PRKN: variants seen among roughly 807,000 people sequenced by gnomAD.
PRKN encodes E3 ubiquitin-protein ligase parkin.
A neutral mutation model predicts 59.5 loss-of-function variants in PRKN; 56 were observed. The ratio of observed to expected loss-of-function variants is 0.94; its 90% CI spans 0.76 to 1.18. The LOEUF (loss-of-function observed/expected upper bound fraction) is 1.18, where lower values mean the gene tolerates loss of function less well. Ranked by LOEUF, PRKN falls within the 50% of genes most tolerant of loss-of-function variation. The probability of loss-of-function intolerance (pLI) is 0.00; values close to 1 mark genes in which losing one functional copy is unlikely to be tolerated. For missense variants in PRKN, 657 were observed against 596.4 expected (o/e 1.10, Z -1.06); for synonymous variants, 250 against 222.1 (o/e 1.13, Z -1.12).
intron 3 of PRKN, among the ~76,000 whole-genome samples, chr6:162,205,832 C>T (rs1307673189): frequency 6.6e-6 from 1 of 152,042 alleles, no homozygotes; most frequent in Non-Finnish European, 1.5e-5. Flanking sequence ...GAATTACTCT[C>T]TGAGTTTTAT....
At chr6:162,129,134 C>T (rs1304864093) in intron 4 of PRKN, among the ~76,000 whole-genome samples, 1 of 152,138 alleles carries the variant, frequency 6.6e-6, no homozygotes, top group East Asian at 1.9e-4. Flanking sequence ...TACAAAAATT[C>T]TCAAGAGCAA....
intron 7 of PRKN, among the ~76,000 whole-genome samples, chr6:161,677,393 C>T (rs1324653594): frequency 6.6e-6 from 1 of 152,176 alleles, no homozygotes; most frequent in Non-Finnish European, 1.5e-5. Context: ...TGTATGATAT[C>T]ACAAATAGAA....
intron 4 of PRKN, among the ~76,000 whole-genome samples, chr6:162,065,994 A>G (rs1582981053): frequency 6.6e-6 from 1 of 152,120 alleles, no homozygotes; most frequent in East Asian, 1.9e-4. Context: ...GGTTGGTTCC[A>G]AGTCTTTGCT....
Position 161,361,390 on chromosome 6 carries a change from G to C in PRKN, c.1168-1185C>G, listed in dbSNP as rs368393710. On this transcript the variant is annotated intron_variant, in intron 10 of 11. Transcript: ENST00000366898. The surrounding 1 kb of genome is among the most constrained non-coding windows in gnomAD (Gnocchi z 5.2). Reference sequence around the variant, plus strand: ...CATTTGAGACATCCTCATATCCCCAGTTTCTGGCATAGAATCTGGTACACA... The same window carrying C: ...CATTTGAGACATCCTCATATCCCCACTTTCTGGCATAGAATCTGGTACACA... Among the ~76,000 whole-genome samples the C allele has an allele frequency of 3.2e-4, 49 of 152,312 alleles. No homozygotes were observed. The highest frequency in any genetic ancestry group is 1.1e-3 in the African/African-American group (45 of 41,562).
At chr6:161,534,373 T>G (rs1779333248) in intron 9 of PRKN, among the ~76,000 whole-genome samples, 1 of 152,202 alleles carries the variant, frequency 6.6e-6, no homozygotes, top group Admixed American at 6.5e-5. Context: ...TCATTCATGA[T>G]TGATACAACG....
intron 4 of PRKN, among the ~76,000 whole-genome samples, chr6:162,192,826 C>T (rs540019822): frequency 2.0e-5 from 3 of 152,198 alleles, no homozygotes; most frequent in East Asian, 1.9e-4. Context: ...ATGGGTCAAG[C>T]GCATGGCTGG....
rs190356723 is a variant in PRKN, at chr6:161,575,651, C to T, written c.872-6235G>A. Among the ~76,000 whole-genome samples the T allele has an allele frequency of 3.3e-5, 5 of 152,278 alleles. No individual in the cohort carries two copies. The highest frequency in any genetic ancestry group is 6.5e-5 in the Admixed American group (1 of 15,286). ...GGTTCAATGGAAAATCGTGAGCACCCAGGCTTGGGATAGAAATGGAAATGG... is the reference window on the plus strand; with the variant it reads ...GGTTCAATGGAAAATCGTGAGCACCTAGGCTTGGGATAGAAATGGAAATGG... On this transcript the variant is annotated intron_variant, in intron 7 of 11. Transcript: ENST00000366898. This position sits in a 1 kb window ranked among gnomAD's most constrained non-coding sequence, Gnocchi z 4.6.
chr6:162,253,279 A>AAATCTAATCTAATCT (rs56965676), intron 3 of PRKN, among the ~76,000 whole-genome samples: 10,790 of 149,466 alleles, frequency 0.072, 659 homozygotes, highest in African/African-American at 0.16. Flanking sequence ...AACAGGCAAC[A>AAATCTAATCTAATCT]AATCTAATCT....
rs370066812 is a variant in PRKN, at chr6:162,189,218, A to G, written c.534+11913T>C. 4.6e-5 allele frequency among the ~76,000 whole-genome samples: 7 copies of G among 151,474 alleles called. No individual in the cohort carries two copies. In the East Asian group the frequency reaches 1.0e-3, roughly 22 times the overall value. On this transcript the variant is annotated intron_variant, in intron 4 of 11. Transcript: ENST00000366898. ...TTCTATAGGAGGGAATTGAGATTAGACAACTGCAAAGTTGATTCCTATTCT... is the reference window on the plus strand; with the variant it reads ...TTCTATAGGAGGGAATTGAGATTAGGCAACTGCAAAGTTGATTCCTATTCT...
chr6:162,250,941 T>G (rs1018878414), intron 3 of PRKN, among the ~76,000 whole-genome samples: 1 of 152,174 alleles, frequency 6.6e-6, no homozygotes, highest in African/African-American at 2.4e-5. Context: ...CTTCAATAAC[T>G]TTTTTGTCTT....
chr6:161,439,199 G>C (rs1245857878), intron 9 of PRKN, among the ~76,000 whole-genome samples: 3 of 152,152 alleles, frequency 2.0e-5, no homozygotes, highest in Non-Finnish European at 4.4e-5. Flanking sequence ...GACGCCAACG[G>C]GCTTCTCAGA....
At chr6:161,987,158 A>T (rs949164208) in intron 5 of PRKN, among the ~76,000 whole-genome samples, 2 of 152,240 alleles carry the variant, frequency 1.3e-5, no homozygotes, top group African/African-American at 4.8e-5. Flanking sequence ...CTCACATTCT[A>T]TATATTTACT....
intron 1 of PRKN, among the ~76,000 whole-genome samples, chr6:162,629,750 C>T (rs760134244): frequency 6.6e-6 from 1 of 151,974 alleles, no homozygotes; most frequent in Admixed American, 6.6e-5. Context: ...TTCATATAAG[C>T]CATATCTAAT....
At chr6:162,516,687 C>T (rs1437888737) in intron 1 of PRKN, among the ~76,000 whole-genome samples, 4 of 149,882 alleles carry the variant, frequency 2.7e-5, no homozygotes, top group Non-Finnish European at 3.0e-5. Context: ...CACTTGAGTT[C>T]GGGAGGTGGA....
intron 1 of PRKN, among the ~76,000 whole-genome samples, chr6:162,674,752 G>A (rs958414024): frequency 1.3e-5 from 2 of 152,146 alleles, no homozygotes; most frequent in South Asian, 4.1e-4. Flanking sequence ...TAGAGAGTGG[G>A]AAGAAAGAAT....
intron 1 of PRKN, among the ~76,000 whole-genome samples, chr6:162,658,987 G>T (rs891087451): frequency 4.6e-5 from 7 of 152,108 alleles, no homozygotes; most frequent in African/African-American, 7.2e-5. Flanking sequence ...TATACCTTTG[G>T]AAAGAATCAA....
At position 161,376,165 on chromosome 6, in the gene PRKN, C is replaced by G. The variant is rs1186162696; in HGVS notation, c.1167+10629G>C. Among the ~76,000 whole-genome samples, 1 of 152,108 alleles carries G rather than the reference C, an allele frequency of 6.6e-6. No individual in the cohort carries two copies. Among genetic ancestry groups the G allele is most frequent in the Non-Finnish European group, 1.5e-5 (1 of 68,010 alleles). ...TCAGTGTCCTCCACTGAGGGAGGTG[C>G]ACCTCCTAGCCTCTCCTGGACTGTA... On this transcript the variant is annotated intron_variant, in intron 10 of 11. Coordinates refer to ENST00000366898, the MANE Select transcript of PRKN (RefSeq NM_004562.3). The surrounding 1 kb of genome is among the most constrained non-coding windows in gnomAD (Gnocchi z 7.3).
At chr6:162,375,807 A>T (rs1380212270) in intron 2 of PRKN, among the ~76,000 whole-genome samples, 1 of 152,006 alleles carries the variant, frequency 6.6e-6, no homozygotes, top group Non-Finnish European at 1.5e-5. Context: ...ATATACATAT[A>T]TATACATATT....
intron 1 of PRKN, among the ~76,000 whole-genome samples, chr6:162,565,405 G>A (rs886174207): frequency 5.9e-5 from 9 of 152,062 alleles, no homozygotes; most frequent in African/African-American, 1.4e-4. Flanking sequence ...AACATTGGCC[G>A]GGAGCGGTGG....
Sources: allele counts gnomAD v4.1 joint callset (sites outside exome capture counted in the v4.1 genomes callset), GRCh38; gene constraint gnomAD v4.1.1; non-coding constraint Gnocchi (gnomAD v3.1); transcripts MANE v1.5; gene names NCBI Gene and HGNC (gene_info 2026-07-23, HGNC 2026-07-21).